ITK: variants seen among roughly 807,000 people sequenced by gnomAD.
ITK encodes the protein tyrosine-protein kinase ITK/TSK.
Under a neutral mutation model 87.6 loss-of-function variants are expected in ITK, and 45 were observed. That is an observed-to-expected ratio of 0.51 (90% CI 0.40 to 0.66). ITK has a LOEUF of 0.66. ITK is among the 30% of genes least tolerant of loss of function. The pLI is 0.00. For synonymous variants in ITK, 303 were observed against 273.6 expected (o/e 1.11, Z -1.06); for missense variants, 605 against 766.3 (o/e 0.79, Z 2.48).
chr5:157,237,249 A>G (rs572577776), intron 8 of ITK, among the ~76,000 whole-genome samples: 1 of 152,364 alleles, frequency 6.6e-6, no homozygotes, highest in East Asian at 1.9e-4. Context: ...GCAGCAACAT[A>G]GATGCACCTG....
intron 1 of ITK, among the ~76,000 whole-genome samples, chr5:157,200,156 A>G (rs1753936604): frequency 6.6e-6 from 1 of 152,178 alleles, no homozygotes; most frequent in South Asian, 2.1e-4. Flanking sequence ...AAAGATATAA[A>G]AGCTGATTGC....
intron 8 of ITK, among the ~76,000 whole-genome samples, chr5:157,233,963 A>ATTT (rs869230073): frequency 4.5e-5 from 1 of 22,292 alleles, no homozygotes; most frequent in Non-Finnish European, 8.0e-5. Flanking sequence ...ATATATATAT[A>ATTT]TTTTTTTTTT....
In ITK at chr5:157,221,444, T is replaced by C. The variant is rs183815970; in HGVS notation, c.496-1419T>C. Among the ~76,000 whole-genome samples, 126 of 152,242 alleles carry C rather than the reference T, an allele frequency of 8.3e-4. 1 individual carries two copies. Among genetic ancestry groups the C allele is most frequent in the African/African-American group, 2.8e-3 (115 of 41,532 alleles). On this transcript the variant is annotated intron_variant, in intron 5 of 16. Transcript: ENST00000422843. The stretch of plus-strand genomic sequence containing the variant: ...CTTATATAATTACTGTATAAGCTGG[T>C]TTCTCACCACATGAATGTTTACCAG...
chr5:157,210,490 T>C (rs62382964), intron 2 of ITK, among the ~76,000 whole-genome samples: 23,722 of 151,706 alleles, frequency 0.16, 2,069 homozygotes, highest in African/African-American at 0.22. Context: ...TAAAGAAGAC[T>C]GCAGTTTAGT....
rs907117198 is a variant in ITK, at chr5:157,248,191, T to C, written c.1634-659T>C. On this transcript the variant is annotated intron_variant, in intron 15 of 16. Transcript: ENST00000422843. ...CTTTGAAAAGCTCTGAATTAGCTGA[T>C]TTGCAAGCAGCCTTCTTGCTCTGAC... is the stretch of plus-strand genomic sequence containing the variant. 5.9e-5 allele frequency among the ~76,000 whole-genome samples: 9 copies of C among 152,194 alleles called. No individual in the cohort carries two copies. In the East Asian group the frequency reaches 1.7e-3, roughly 29 times the overall value.
intron 8 of ITK, among the ~76,000 whole-genome samples, chr5:157,236,533 T>C (rs1055422282): frequency 2.0e-5 from 3 of 152,238 alleles, no homozygotes; most frequent in Non-Finnish European, 2.9e-5. Flanking sequence ...CTATATACTT[T>C]GTTCCTTATA....
intron 7 of ITK, among the ~76,000 whole-genome samples, chr5:157,228,918 G>A (rs537497866): frequency 6.6e-6 from 1 of 152,272 alleles, no homozygotes; most frequent in East Asian, 1.9e-4. Context: ...ATGAACCGCT[G>A]TGCCCAGACA....
intron 7 of ITK, among the ~76,000 whole-genome samples, chr5:157,230,065 G>T (rs1754619494): frequency 6.6e-6 from 1 of 152,194 alleles, no homozygotes. Context: ...CTGCAGTTAA[G>T]TAATAGTGTT....
At chr5:157,234,798 A>G (rs1308246571) in intron 8 of ITK, among the ~76,000 whole-genome samples, 2 of 152,124 alleles carry the variant, frequency 1.3e-5, no homozygotes, top group Non-Finnish European at 2.9e-5. Flanking sequence ...GTGGGGGGCT[A>G]GGGGAGAGAT....
chr5:157,242,873 C>T (rs1318530521), intron 11 of ITK, among the ~76,000 whole-genome samples: 11 of 152,212 alleles, frequency 7.2e-5, no homozygotes, highest in Admixed American at 3.3e-4. Flanking sequence ...GCACCGTGTC[C>T]GGCACACAGT....
Position 157,253,520 on chromosome 5 carries a change from A to T in ITK, c.*842A>T. 4.4e-6 allele frequency: 1 copy of T among 226,366 alleles called. No homozygotes were observed. Among genetic ancestry groups the T allele is most frequent in the Non-Finnish European group, 8.8e-6 (1 of 113,770 alleles). The allele number at this position is 226,366 out of a possible 1,614,324, so 14.0% of individuals were successfully genotyped here. A position where few individuals can be genotyped will look rare whatever the true frequency, so the allele number is the denominator to read the frequency against. Reference sequence around the variant, plus strand: ...TCTTTTATACCAAGCTGTGCAGGTGACTATGCCTCCTCTTCTGCACAGAAT... The same window carrying T: ...TCTTTTATACCAAGCTGTGCAGGTGTCTATGCCTCCTCTTCTGCACAGAAT... On this transcript the variant is annotated 3_prime_UTR_variant, in exon 17 of 17. Coordinates refer to ENST00000422843, the MANE Select transcript of ITK (RefSeq NM_005546.4).
intron 4 of ITK, among the ~76,000 whole-genome samples, 153 bp downstream of exon 4, chr5:157,214,472 C>T (rs564685570): frequency 2.6e-5 from 4 of 152,182 alleles, no homozygotes; most frequent in Non-Finnish European, 5.9e-5. Context: ...TCCTACCAGC[C>T]TGTTGGTGCT....
intron 4 of ITK, among the ~76,000 whole-genome samples, chr5:157,216,745 T>C (rs1190858157): frequency 1.3e-5 from 2 of 151,956 alleles, no homozygotes; most frequent in African/African-American, 2.4e-5. Context: ...GAAGCCAGAG[T>C]TAGAACACCA....
rs1419387594 is a variant in ITK at position 157,240,001 on chromosome 5, C to CT, written c.852-55dup. ...ATAATAAGAACTTAATACTCGTAGACTTTTTTGTGTCTCAACATTGCTTCT... is the reference window on the plus strand; with the variant it reads ...ATAATAAGAACTTAATACTCGTAGACTTTTTTTGTGTCTCAACATTGCTTCT... On this transcript the variant is annotated intron_variant, in intron 9 of 16. Transcript: ENST00000422843. 13 of 1,548,604 alleles carry CT rather than the reference C, an allele frequency of 8.4e-6. No homozygotes were observed. The South Asian group carries it at 1.4e-4, about 16-fold the overall frequency.
At chr5:157,192,337 A>G (rs1370268850) in intron 1 of ITK, among the ~76,000 whole-genome samples, 1 of 152,226 alleles carries the variant, frequency 6.6e-6, no homozygotes, top group Admixed American at 6.5e-5. Context: ...GGGTTAGGTC[A>G]TGAAACACCT....
chr5:157,231,550 A>G (rs1341743800), intron 7 of ITK, among the ~76,000 whole-genome samples: 1 of 152,194 alleles, frequency 6.6e-6, no homozygotes, highest in Non-Finnish European at 1.5e-5. Context: ...TAGCCAAACA[A>G]GTTTGTTAAG....
intron 1 of ITK, 112 bp downstream of exon 1, chr5:157,181,227 T>G (rs1753508060): frequency 4.5e-6 from 5 of 1,123,042 alleles, no homozygotes; most frequent in Non-Finnish European, 6.8e-6. Flanking sequence ...ACAAACATGC[T>G]TATTGTAACA....
chr5:157,202,611 C>T (rs1362028033), intron 1 of ITK, among the ~76,000 whole-genome samples: 1 of 152,082 alleles, frequency 6.6e-6, no homozygotes, highest in African/African-American at 2.4e-5. Context: ...TGTGTATATG[C>T]GTCTTTATGG....
intron 10 of ITK, chr5:157,240,630 G>A (rs141500203): frequency 1.1e-4 from 24 of 210,250 alleles, no homozygotes; most frequent in African/African-American, 3.5e-4. Context: ...GCATGGTGCC[G>A]GCATCTTCTT....
Sources: allele counts gnomAD v4.1 joint callset (sites outside exome capture counted in the v4.1 genomes callset), GRCh38; gene constraint gnomAD v4.1.1; transcripts MANE v1.5; gene names NCBI Gene and HGNC (gene_info 2026-07-23, HGNC 2026-07-21).